Variants in CNTNAP2 observed in about 807,000 individuals in gnomAD.
CNTNAP2 encodes the protein contactin-associated protein-like 2.
Under a neutral mutation model 155.2 loss-of-function variants are expected in CNTNAP2, and 98 were observed. That is an observed-to-expected ratio of 0.63 (90% confidence interval 0.54 to 0.75). The LOEUF (loss-of-function observed/expected upper bound fraction) is 0.75, where lower values mean the gene tolerates loss of function less well. Ranked by LOEUF, CNTNAP2 falls within the 30% of genes least tolerant of loss-of-function variation. CNTNAP2 has a pLI of 0.00. For synonymous variants in CNTNAP2, 651 were observed against 631.2 expected (o/e 1.03, Z -0.47); for missense variants, 1,727 against 1,688.1 (o/e 1.02, Z -0.40).
At chr7:147,608,602 A>T (rs1584851946) in intron 12 of CNTNAP2, among the ~76,000 whole-genome samples, 1 of 152,286 alleles carries the variant, frequency 6.6e-6, no homozygotes, top group East Asian at 1.9e-4. Flanking sequence ...ACACCTGGCC[A>T]TCAACTACAT....
intron 1 of CNTNAP2, among the ~76,000 whole-genome samples, chr7:146,435,903 T>C (rs1262440158): frequency 6.6e-6 from 1 of 152,168 alleles, no homozygotes; most frequent in African/African-American, 2.4e-5. Context: ...ATCCAAGATA[T>C]ACATACAGCT....
intron 2 of CNTNAP2, among the ~76,000 whole-genome samples, chr7:146,785,858 T>C (rs1221436379): frequency 6.6e-6 from 1 of 152,214 alleles, no homozygotes; most frequent in East Asian, 1.9e-4. Flanking sequence ...CTCAAGATAT[T>C]ATTTCACATA....
intron 1 of CNTNAP2, among the ~76,000 whole-genome samples, chr7:146,500,310 C>A (rs987431127): frequency 1.8e-4 from 28 of 152,132 alleles, no homozygotes; most frequent in African/African-American, 6.8e-4. Flanking sequence ...AGGAAGAAGG[C>A]TTTAATCAGG....
At chr7:148,176,966 C>A (rs1295960574) in intron 18 of CNTNAP2, among the ~76,000 whole-genome samples, 1 of 152,118 alleles carries the variant, frequency 6.6e-6, no homozygotes, top group Non-Finnish European at 1.5e-5. Context: ...AGTCAGATCC[C>A]AAAACACTCA....
In CNTNAP2 at chr7:146,383,481, G is replaced by A. The variant is rs10242778; in HGVS notation, c.97+266508G>A. Among the ~76,000 whole-genome samples the A allele has an allele frequency of 6.3e-3, 963 of 151,994 alleles. 14 individuals are homozygous for A. Among genetic ancestry groups the A allele is most frequent in the African/African-American group, 0.022 (931 of 41,436 alleles). On this transcript the variant is annotated intron_variant, in intron 1 of 23. Coordinates refer to ENST00000361727, the MANE Select transcript of CNTNAP2 (RefSeq NM_014141.6). ...ATTTGGGATACCTTTCTGCATTTAC[G>A]TATTATTTATTTCATAAAAAATTCA...
rs115314630 is a variant in CNTNAP2 at position 147,019,033 on chromosome 7, G to A, written c.403-24874G>A. 3.4e-3 allele frequency among the ~76,000 whole-genome samples: 515 copies of A among 152,144 alleles called. 2 individuals are homozygous for A. Among genetic ancestry groups the A allele is most frequent in the African/African-American group, 0.011 (477 of 41,532 alleles). ...CAAAATTATCTCTGTGTAAGAATGCGTGATAAGAATCAGGACCCAAAGAGT... is the reference window on the plus strand; with the variant it reads ...CAAAATTATCTCTGTGTAAGAATGCATGATAAGAATCAGGACCCAAAGAGT... On this transcript the variant is annotated intron_variant, in intron 3 of 23. Transcript: ENST00000361727.
Position 148,373,890 on chromosome 7 carries a change from C to T in CNTNAP2, c.3476-9759C>T, listed in dbSNP as rs575590835. Among the ~76,000 whole-genome samples the T allele has an allele frequency of 4.6e-5, 7 of 152,304 alleles. No individual in the cohort carries two copies. The East Asian group carries it at 5.8e-4, about 13-fold the overall frequency. On this transcript the variant is annotated intron_variant, in intron 21 of 23. Transcript: ENST00000361727. The stretch of plus-strand genomic sequence containing the variant: ...TGGTGGCATCCAGGGTGGTTGCGAT[C>T]GTATGGTTTAAATTTTGTGATGATC...
intron 21 of CNTNAP2, among the ~76,000 whole-genome samples, chr7:148,357,562 C>A (rs891620072): frequency 6.6e-6 from 1 of 152,112 alleles, no homozygotes. Context: ...GATCCTGTGC[C>A]CCAATCTAGA....
intron 5 of CNTNAP2, 118 bp from the exon 6 acceptor site, chr7:147,120,861 A>C: frequency 1.1e-6 from 1 of 934,024 alleles, no homozygotes; most frequent in Non-Finnish European, 1.7e-6. Context: ...GGTTAACTCG[A>C]ATGGATAGAG....
At chr7:148,351,413 G>A (rs1391587376) in intron 21 of CNTNAP2, among the ~76,000 whole-genome samples, 1 of 152,072 alleles carries the variant, frequency 6.6e-6, no homozygotes, top group East Asian at 1.9e-4. Flanking sequence ...CCTAAGGAAA[G>A]TGTGGTGCAT....
At chr7:147,563,425 T>C (rs1800103347) in intron 12 of CNTNAP2, among the ~76,000 whole-genome samples, 1 of 151,808 alleles carries the variant, frequency 6.6e-6, no homozygotes, top group African/African-American at 2.4e-5. Flanking sequence ...GGTCAAGAGG[T>C]CGAGACCATT....
intron 13 of CNTNAP2, among the ~76,000 whole-genome samples, chr7:147,738,457 C>T (rs1796895529): frequency 6.6e-6 from 1 of 152,126 alleles, no homozygotes; most frequent in East Asian, 1.9e-4. Flanking sequence ...TCAACAACAA[C>T]TGCCCTCATC....
chr7:146,249,442 G>A (rs1799722133), intron 1 of CNTNAP2, among the ~76,000 whole-genome samples: 1 of 145,444 alleles, frequency 6.9e-6, no homozygotes, highest in East Asian at 1.9e-4. Context: ...CTCAGAACAC[G>A]TGACTGTCAC....
intron 8 of CNTNAP2, among the ~76,000 whole-genome samples, chr7:147,187,679 A>G (rs1757546918): frequency 6.6e-6 from 1 of 152,170 alleles, no homozygotes; most frequent in Admixed American, 6.5e-5. Context: ...GTCACACCCC[A>G]TACCTTAGCA....
intron 15 of CNTNAP2, among the ~76,000 whole-genome samples, chr7:148,018,094 C>G (rs1020217265): frequency 6.6e-6 from 1 of 152,206 alleles, no homozygotes; most frequent in Non-Finnish European, 1.5e-5. Flanking sequence ...GGAACTCTTA[C>G]TGCTCCCTAG....
chr7:146,118,624 A>G (rs1002308903), intron 1 of CNTNAP2, among the ~76,000 whole-genome samples: 6 of 152,046 alleles, frequency 3.9e-5, no homozygotes, highest in Admixed American at 1.3e-4. Flanking sequence ...TGTATACTTT[A>G]ATTTTGATGG....
chr7:147,819,094 G>T (rs1037931576), intron 13 of CNTNAP2, among the ~76,000 whole-genome samples: 1 of 152,118 alleles, frequency 6.6e-6, no homozygotes, highest in Non-Finnish European at 1.5e-5. Flanking sequence ...GGTTAATTCA[G>T]TTTCTGGATA....
At chr7:147,283,465 G>A (rs568800258) in intron 8 of CNTNAP2, among the ~76,000 whole-genome samples, 3 of 151,878 alleles carry the variant, frequency 2.0e-5, no homozygotes, top group South Asian at 4.1e-4. Flanking sequence ...TAAGCAATAC[G>A]CAGCAAGTAG....
chr7:146,306,790 G>A (rs1800720750), intron 1 of CNTNAP2, among the ~76,000 whole-genome samples: 1 of 152,156 alleles, frequency 6.6e-6, no homozygotes, highest in Non-Finnish European at 1.5e-5. Context: ...ATCCCTTCAT[G>A]CTAAAAGCTC....
Sources: allele counts gnomAD v4.1 joint callset (sites outside exome capture counted in the v4.1 genomes callset), GRCh38; gene constraint gnomAD v4.1.1; transcripts MANE v1.5; gene names NCBI Gene and HGNC (gene_info 2026-07-23, HGNC 2026-07-21).